Variants in LRRTM4 observed in about 807,000 individuals in gnomAD.
LRRTM4 encodes leucine rich repeat transmembrane neuronal 4, also known as leucine-rich repeat transmembrane neuronal protein 4.
A neutral mutation model predicts 47.6 loss-of-function variants in LRRTM4; 25 were observed. The ratio of observed to expected loss-of-function variants is 0.53; its 90% CI spans 0.38 to 0.73. LRRTM4 has a LOEUF of 0.73. Among genes scored for constraint, LRRTM4 ranks in the 30% least tolerant of loss-of-function variants. The pLI, the probability that LRRTM4 is intolerant of heterozygous loss-of-function variation, is 0.00. For synonymous variants in LRRTM4, 311 were observed against 269.5 expected, an observed-to-expected ratio of 1.15 and a Z score of -1.51; for missense variants, 638 against 713.4, an observed-to-expected ratio of 0.89 and a Z score of 1.20.
At chr2:76,856,433 A>G (rs1672153104) in intron 3 of LRRTM4, among the ~76,000 whole-genome samples, 1 of 152,168 alleles carries the variant, frequency 6.6e-6, no homozygotes, top group Admixed American at 6.5e-5. Flanking sequence ...GTAAATATCA[A>G]AACAAACCAT....
At chr2:77,352,088 T>C (rs1671804226) in intron 3 of LRRTM4, among the ~76,000 whole-genome samples, 1 of 152,154 alleles carries the variant, frequency 6.6e-6, no homozygotes, top group African/African-American at 2.4e-5. Flanking sequence ...GAGCATCAAT[T>C]GGCAATGAGG....
chr2:77,354,053 G>T (rs1671882355), intron 3 of LRRTM4, among the ~76,000 whole-genome samples: 1 of 152,142 alleles, frequency 6.6e-6, no homozygotes, highest in Admixed American at 6.6e-5. Context: ...CAAATTAAGG[G>T]GTAGGTTATT....
At chr2:76,982,489 C>A (rs1277033496) in intron 3 of LRRTM4, among the ~76,000 whole-genome samples, 1 of 151,964 alleles carries the variant, frequency 6.6e-6, no homozygotes, top group Non-Finnish European at 1.5e-5. Context: ...AATAAATTTT[C>A]ATAATTCTTT....
At chr2:77,289,124 G>A (rs1478296994) in intron 3 of LRRTM4, among the ~76,000 whole-genome samples, 1 of 151,954 alleles carries the variant, frequency 6.6e-6, no homozygotes, top group Non-Finnish European at 1.5e-5. Flanking sequence ...CCATATGCAT[G>A]AATTGGACCT....
intron 3 of LRRTM4, among the ~76,000 whole-genome samples, chr2:77,327,078 G>A (rs1391345368): frequency 1.3e-5 from 2 of 152,132 alleles, no homozygotes; most frequent in East Asian, 1.9e-4. Flanking sequence ...TACAGTAAAG[G>A]AGCAGGGAAA....
intron 3 of LRRTM4, among the ~76,000 whole-genome samples, chr2:77,298,693 T>G (rs927246264): frequency 6.6e-6 from 1 of 152,200 alleles, no homozygotes; most frequent in Middle Eastern, 3.2e-3. Flanking sequence ...GAACTAGCAA[T>G]GCAGTTTGCC....
intron 3 of LRRTM4, among the ~76,000 whole-genome samples, chr2:77,296,332 T>C (rs533334272): frequency 6.6e-6 from 1 of 152,246 alleles, no homozygotes; most frequent in Non-Finnish European, 1.5e-5. Flanking sequence ...ATGGTTTTTA[T>C]ATAAGTAATT....
intron 3 of LRRTM4, among the ~76,000 whole-genome samples, chr2:77,272,201 G>A (rs1417869234): frequency 6.6e-6 from 1 of 151,970 alleles, no homozygotes; most frequent in African/African-American, 2.4e-5. Context: ...TAATAATTTT[G>A]GGGTTTTATT....
intron 3 of LRRTM4, among the ~76,000 whole-genome samples, chr2:76,841,749 A>C (rs966636572): frequency 6.6e-6 from 1 of 151,988 alleles, no homozygotes; most frequent in Non-Finnish European, 1.5e-5. Context: ...AAAATGTAAA[A>C]AAGTATATAA....
At chr2:76,893,455 A>C (rs1018072873) in intron 3 of LRRTM4, among the ~76,000 whole-genome samples, 13 of 151,740 alleles carry the variant, frequency 8.6e-5, no homozygotes, top group African/African-American at 3.1e-4. Context: ...AATAATAAAT[A>C]ATAACTAACA....
At chr2:76,992,741 C>T (rs191598041) in intron 3 of LRRTM4, among the ~76,000 whole-genome samples, 10 of 150,768 alleles carry the variant, frequency 6.6e-5, no homozygotes, top group East Asian at 2.0e-4. Flanking sequence ...ATCAAAATAT[C>T]GGTGTCATTT....
chr2:77,242,214 G>A (rs769235291), intron 3 of LRRTM4, among the ~76,000 whole-genome samples: 1 of 152,076 alleles, frequency 6.6e-6, no homozygotes, highest in Non-Finnish European at 1.5e-5. Flanking sequence ...CATTGCATAT[G>A]TAGATTTCTT....
chr2:77,362,711 C>A (rs1189212198), intron 3 of LRRTM4, among the ~76,000 whole-genome samples: 1 of 152,152 alleles, frequency 6.6e-6, no homozygotes, highest in African/African-American at 2.4e-5. Flanking sequence ...GTCCTTTCAT[C>A]AGGGCCATAA....
intron 3 of LRRTM4, among the ~76,000 whole-genome samples, chr2:77,508,426 AG>A (rs1678858542): frequency 6.6e-6 from 1 of 152,166 alleles, no homozygotes; most frequent in African/African-American, 2.4e-5. Flanking sequence ...TTATTTCCCT[AG>A]TTCCATAGTG....
chr2:77,155,422 T>A (rs1672535023), intron 3 of LRRTM4, among the ~76,000 whole-genome samples: 1 of 151,942 alleles, frequency 6.6e-6, no homozygotes, highest in Non-Finnish European at 1.5e-5. Flanking sequence ...CCAGTCTGCA[T>A]TTATATCATA....
Position 77,239,148 on chromosome 2 carries a change from C to T in LRRTM4, c.1551+279170G>A, listed in dbSNP as rs1675191893. On this transcript the variant is annotated intron_variant, in intron 3 of 3. Coordinates refer to ENST00000409884, the MANE Select transcript of LRRTM4 (RefSeq NM_001134745.3). Reference sequence around the variant, plus strand: ...AATCACTCTAAATGTAATTGAATTTCCAAATAAAAATATTAGCAAGATATG... The same window carrying T: ...AATCACTCTAAATGTAATTGAATTTTCAAATAAAAATATTAGCAAGATATG... Among the ~76,000 whole-genome samples the T allele has an allele frequency of 1.3e-5, 2 of 151,594 alleles. 1 individual carries two copies. Among genetic ancestry groups the T allele is most frequent in the South Asian group, 4.2e-4 (2 of 4,814 alleles).
chr2:77,514,497 T>C (rs1679137114), intron 3 of LRRTM4, among the ~76,000 whole-genome samples: 1 of 152,072 alleles, frequency 6.6e-6, no homozygotes, highest in South Asian at 2.1e-4. Flanking sequence ...AAAACCAGTA[T>C]ATTTTTAAAA....
At chr2:77,285,752 CA>C (rs71699011) in intron 3 of LRRTM4, among the ~76,000 whole-genome samples, 17,924 of 151,158 alleles carry the variant, frequency 0.12, 2,153 homozygotes, top group African/African-American at 0.3. Flanking sequence ...AAAAAAACAA[CA>C]AAAAAAATCC....
rs115793313 is a variant in LRRTM4, at chr2:76,892,968, G to A, written c.1552-144052C>T. 5.6e-3 allele frequency among the ~76,000 whole-genome samples: 850 copies of A among 151,054 alleles called. 9 individuals are homozygous for A. Among genetic ancestry groups the A allele is most frequent in the African/African-American group, 0.02 (815 of 41,348 alleles). Reference sequence around the variant, plus strand: ...CTACTAATGGAGTCAAAATCCCAAAGTGTGAAAAGACGGAAATCACAATTT... The same window carrying A: ...CTACTAATGGAGTCAAAATCCCAAAATGTGAAAAGACGGAAATCACAATTT... On this transcript the variant is annotated intron_variant, in intron 3 of 3. Transcript: ENST00000409884.
Sources: gnomAD v4.1 joint callset for allele counts (sites outside exome capture counted in the v4.1 genomes callset) on GRCh38, gnomAD v4.1.1 for gene constraint, MANE v1.5 for transcripts, NCBI Gene and HGNC (gene_info 2026-07-23, HGNC 2026-07-21) for gene names.